Variants in NRG1 observed in about 807,000 individuals in gnomAD.
NRG1 encodes neuregulin 1, also known as pro-neuregulin-1, membrane-bound isoform.
Under a neutral mutation model 63.8 loss-of-function variants are expected in NRG1, and 18 were observed. The observed-to-expected ratio is 0.28, with a 90% CI of 0.19 to 0.42. The LOEUF (loss-of-function observed/expected upper bound fraction) is 0.42, where lower values mean the gene tolerates loss of function less well. NRG1 is among the 10% of genes least tolerant of loss of function. The pLI, the probability that NRG1 is intolerant of heterozygous loss-of-function variation, is 1.00. For synonymous variants in NRG1, 302 were observed against 301.3 expected, an observed-to-expected ratio of 1.00 and a Z score of -0.02; for missense variants, 762 against 814.7, an observed-to-expected ratio of 0.94 and a Z score of 0.79.
intron 5 of NRG1, among the ~76,000 whole-genome samples, chr8:32,624,322 T>C (rs552189986): frequency 2.6e-5 from 4 of 152,286 alleles, no homozygotes; most frequent in Non-Finnish European, 4.4e-5. Context: ...GCTGTGTGTG[T>C]TGGGGTTAGT....
In NRG1 at chr8:32,677,722, G is replaced by A. The variant is rs371551469; in HGVS notation, c.503-50227G>A. ...GGAATTTTTTCTAAAATTTCTCCCAGATACTTTAAAAATACTCCTGCAAAC... is the reference window on the plus strand; with the variant it reads ...GGAATTTTTTCTAAAATTTCTCCCAAATACTTTAAAAATACTCCTGCAAAC... On this transcript the variant is annotated intron_variant, in intron 5 of 11. Coordinates refer to ENST00000356819, the Ensembl canonical transcript of NRG1. Among the ~76,000 whole-genome samples, 10 of 152,194 alleles carry A rather than the reference G, an allele frequency of 6.6e-5. No homozygotes were observed. In the East Asian group the frequency reaches 1.9e-3, roughly 29 times the overall value.
At chr8:31,727,705 T>C (rs1249664304) in intron 1 of NRG1, among the ~76,000 whole-genome samples, 4 of 152,166 alleles carry the variant, frequency 2.6e-5, no homozygotes, top group African/African-American at 9.7e-5. Flanking sequence ...AATGCCCCAG[T>C]GAATGCCTGA....
At chr8:32,660,551 A>G (rs1256697289) in intron 5 of NRG1, among the ~76,000 whole-genome samples, 1 of 152,206 alleles carries the variant, frequency 6.6e-6, no homozygotes, top group East Asian at 1.9e-4. Context: ...AATTCACATC[A>G]TGGAGTTTAA....
At chr8:31,806,422 T>C (rs1399490767) in intron 1 of NRG1, among the ~76,000 whole-genome samples, 1 of 152,172 alleles carries the variant, frequency 6.6e-6, no homozygotes, top group Non-Finnish European at 1.5e-5. Context: ...GCTACAAATA[T>C]ATTAATGTTC....
intron 1 of NRG1, among the ~76,000 whole-genome samples, chr8:31,715,222 T>A (rs1159834850): frequency 6.6e-6 from 1 of 152,184 alleles, no homozygotes; most frequent in African/African-American, 2.4e-5. Context: ...AATACAAACC[T>A]ATAAAATATG....
At chr8:31,934,054 A>G (rs1218998593) in intron 1 of NRG1, among the ~76,000 whole-genome samples, 1 of 152,208 alleles carries the variant, frequency 6.6e-6, no homozygotes, top group Non-Finnish European at 1.5e-5. Flanking sequence ...CCAGAAACCT[A>G]TTCACATATA....
intron 1 of NRG1, among the ~76,000 whole-genome samples, chr8:32,249,924 G>T (rs1848930590): frequency 1.3e-5 from 2 of 152,016 alleles, no homozygotes; most frequent in African/African-American, 2.4e-5. Flanking sequence ...TTCTATAGGG[G>T]CAAGAAAAAA....
chr8:31,949,279 C>T (rs911665507), intron 1 of NRG1, among the ~76,000 whole-genome samples: 3 of 152,158 alleles, frequency 2.0e-5, no homozygotes, highest in Non-Finnish European at 4.4e-5. Flanking sequence ...TCCATGTTAA[C>T]AAAATCCTTC....
At chr8:32,137,237 C>T (rs908428929) in intron 1 of NRG1, among the ~76,000 whole-genome samples, 1 of 151,898 alleles carries the variant, frequency 6.6e-6, no homozygotes, top group African/African-American at 2.4e-5. Flanking sequence ...TTTGAGGTCA[C>T]GAGTTCAAGA....
At chr8:31,750,168 G>A (rs972736537) in intron 1 of NRG1, among the ~76,000 whole-genome samples, 2 of 151,704 alleles carry the variant, frequency 1.3e-5, no homozygotes, top group Non-Finnish European at 2.9e-5. Flanking sequence ...ATTGGTTACA[G>A]GAAAAGAAAA....
At chr8:32,309,223 C>T (rs1856547336) in intron 1 of NRG1, among the ~76,000 whole-genome samples, 1 of 152,076 alleles carries the variant, frequency 6.6e-6, no homozygotes, top group South Asian at 2.1e-4. Flanking sequence ...GAGAAAATAG[C>T]CCTTAATTAC....
chr8:32,721,971 T>A (rs986465786), intron 5 of NRG1: 17 of 1,545,080 alleles, frequency 1.1e-5, no homozygotes, highest in Admixed American at 8.1e-5. Context: ...TAATTTCAGA[T>A]TTTTTAACTG....
intron 6 of NRG1, among the ~76,000 whole-genome samples, chr8:32,740,318 C>T (rs1826020482): frequency 6.6e-6 from 1 of 151,288 alleles, no homozygotes; most frequent in Non-Finnish European, 1.5e-5. Flanking sequence ...GCCTCAGCCT[C>T]CTGAGTAGCT....
intron 1 of NRG1, among the ~76,000 whole-genome samples, chr8:31,699,924 C>T (rs1302145850): frequency 6.6e-6 from 1 of 152,090 alleles, no homozygotes; most frequent in Non-Finnish European, 1.5e-5. Context: ...GACAGACATC[C>T]AGTTCTGGAA....
intron 1 of NRG1, among the ~76,000 whole-genome samples, chr8:31,827,989 A>T (rs532637900): frequency 6.6e-6 from 1 of 152,352 alleles, no homozygotes; most frequent in Admixed American, 6.5e-5. Context: ...CCAGCAGGAA[A>T]TTTAATTTTA....
intron 1 of NRG1, among the ~76,000 whole-genome samples, chr8:31,849,957 A>T (rs1827054778): frequency 6.6e-6 from 1 of 152,194 alleles, no homozygotes; most frequent in Non-Finnish European, 1.5e-5. Flanking sequence ...AATGAAGATA[A>T]GATAAATTTT....
At chr8:31,978,065 CA>C (rs1177517092) in intron 1 of NRG1, among the ~76,000 whole-genome samples, 1 of 152,042 alleles carries the variant, frequency 6.6e-6, no homozygotes, top group African/African-American at 2.4e-5. Flanking sequence ...AGATCACTAG[CA>C]AATGGATTCC....
intron 1 of NRG1, among the ~76,000 whole-genome samples, chr8:32,004,277 G>A (rs925859897): frequency 2.6e-5 from 4 of 151,830 alleles, no homozygotes; most frequent in Non-Finnish European, 5.9e-5. Flanking sequence ...GTAGAACACA[G>A]GGCATATTGA....
At chr8:32,543,441 G>A (rs1832767637), upstream of NRG1, among the ~76,000 whole-genome samples, 1 of 152,056 alleles carries the variant, frequency 6.6e-6, no homozygotes, top group Non-Finnish European at 1.5e-5. Context: ...AAAGTTGTGT[G>A]GGATGGTATT....
Sources: allele counts gnomAD v4.1 joint callset (sites outside exome capture counted in the v4.1 genomes callset), GRCh38; gene constraint gnomAD v4.1.1; transcripts MANE v1.5; gene names NCBI Gene and HGNC (gene_info 2026-07-23, HGNC 2026-07-21).